CD36: variants seen among roughly 807,000 people sequenced by gnomAD.
CD36 encodes platelet glycoprotein 4.
In CD36, 119 loss-of-function variants were observed where a neutral mutation model predicts 55.2. The ratio of observed to expected loss-of-function variants is 2.15; its 90% CI spans 1.86 to 2.51. The LOEUF (loss-of-function observed/expected upper bound fraction) is 2.51, where lower values mean the gene tolerates loss of function less well. Ranked by LOEUF, CD36 falls within the 30% of genes most tolerant of loss-of-function variation. CD36 has a pLI of 0.00. For missense variants in CD36, 819 were observed against 555.5 expected (o/e 1.47, Z -4.77); for synonymous variants, 186 against 193.6 (o/e 0.96, Z 0.33).
chr7:80,625,541 G>A (rs1378661776), intron 1 of CD36, among the ~76,000 whole-genome samples: 1 of 152,098 alleles, frequency 6.6e-6, no homozygotes, highest in Non-Finnish European at 1.5e-5. Flanking sequence ...AACCTTGCTT[G>A]TATTTCAGAT....
At chr7:80,604,129 T>C (rs1332225675) in intron 1 of CD36, among the ~76,000 whole-genome samples, 2 of 151,980 alleles carry the variant, frequency 1.3e-5, no homozygotes, top group East Asian at 3.9e-4. Context: ...GAGGAGGTAC[T>C]AGAGGAGGGG....
At chr7:80,623,005 C>CTT (rs11301209) in intron 1 of CD36, among the ~76,000 whole-genome samples, 10 of 145,538 alleles carry the variant, frequency 6.9e-5, no homozygotes, top group African/African-American at 2.5e-4. Context: ...CCTTGGTAGA[C>CTT]TTTTTTTTTT....
At position 80,678,117 on chromosome 7, in the gene CD36, A is replaced by T. The variant is rs1161064855; in HGVS notation, c.*1734A>T. On this transcript the variant is annotated 3_prime_UTR_variant, in exon 15 of 15. Transcript: ENST00000447544. The stretch of plus-strand genomic sequence containing the variant: ...TGTGTGTGTGTGTGTGTGTGTGCAC[A>T]TATGCACTGTGGTGGGAGTGGGGCA... 1 of 151,208 alleles carries T rather than the reference A, an allele frequency of 6.6e-6. No individual in the cohort carries two copies. The highest frequency in any genetic ancestry group is 6.6e-5 in the Admixed American group (1 of 15,116). 9.4% of individuals were successfully genotyped at this position (151,208 alleles called of 1,614,324 possible). A position where few individuals can be genotyped will look rare whatever the true frequency, so the allele number is the denominator to read the frequency against.
At chr7:80,609,153 A>G (rs1792734534) in intron 1 of CD36, among the ~76,000 whole-genome samples, 1 of 152,158 alleles carries the variant, frequency 6.6e-6, no homozygotes, top group Admixed American at 6.5e-5. Context: ...CATACAATAT[A>G]AAGTTTGGTA....
upstream of CD36, among the ~76,000 whole-genome samples, chr7:80,633,946 G>A (rs1465865619): frequency 6.6e-6 from 1 of 151,642 alleles, no homozygotes; most frequent in Non-Finnish European, 1.5e-5. Flanking sequence ...ATTTTCTATT[G>A]TGTCTAGACA....
chr7:80,671,956 G>A lies in CD36; in HGVS notation c.1041G>A (p.Leu347=), dbSNP rs1463671275. 3.7e-6 allele frequency: 6 copies of A among 1,611,096 alleles called. No homozygotes were observed. Among genetic ancestry groups the A allele is most frequent in the Non-Finnish European group, 5.1e-6 (6 of 1,177,926 alleles). Residue 347 remains leucine, a synonymous_variant, in exon 11 of 15, where the codon CTG becomes CTA. Coordinates refer to ENST00000447544, the MANE Select transcript of CD36 (RefSeq NM_001001548.3). ...TGTACATTTCACTTCCTCATTTTCTGTATGCAAGTCCTGATGTTTCAGAAC... is the reference window on the plus strand; with the variant it reads ...TGTACATTTCACTTCCTCATTTTCTATATGCAAGTCCTGATGTTTCAGAAC... ...RPVYISLPHF[L]YASPDVSEPI...
chr7:80,625,049 A>T (rs920829702), intron 1 of CD36: 8 of 152,086 alleles, frequency 5.3e-5, no homozygotes, highest in Admixed American at 5.2e-4. Context: ...AGGTTAGATA[A>T]TTTAGTCATT....
intron 1 of CD36, among the ~76,000 whole-genome samples, chr7:80,619,653 G>GAA (rs34516458): frequency 0.037 from 4,631 of 125,902 alleles, 136 homozygotes; most frequent in Middle Eastern, 0.043. Flanking sequence ...TCTCAAAACA[G>GAA]AAAAAAAAAA....
intron 1 of CD36, among the ~76,000 whole-genome samples, chr7:80,628,480 T>A (rs1345747185): frequency 6.6e-6 from 1 of 152,098 alleles, no homozygotes; most frequent in Admixed American, 6.6e-5. Flanking sequence ...TATCTATATT[T>A]GTTACATAGA....
Position 80,606,150 on chromosome 7 carries a change from A to C in CD36, c.-184+3771A>C, listed in dbSNP as rs573404710. 8.5e-5 allele frequency among the ~76,000 whole-genome samples: 6 copies of C among 70,210 alleles called. No homozygotes were observed. In the East Asian group the frequency reaches 2.0e-3, roughly 23 times the overall value. 46.1% of individuals were successfully genotyped at this position (70,210 alleles called of 152,430 possible). Reference sequence around the variant, plus strand: ...CATCTTCTACTAAGGACTATGACTAAAATTTTAAGAATTTTGAATCACGTA... The same window carrying C: ...CATCTTCTACTAAGGACTATGACTACAATTTTAAGAATTTTGAATCACGTA... On this transcript the variant is annotated intron_variant, in intron 1 of 13. Coordinates refer to the CD36 transcript ENST00000309881.
intron 3 of CD36, among the ~76,000 whole-genome samples, chr7:80,650,736 T>C (rs1198670204): frequency 1.3e-5 from 2 of 152,156 alleles, no homozygotes; most frequent in East Asian, 3.9e-4. Context: ...CTGAAAGATG[T>C]CATTACCATT....
chr7:80,659,655 A>T (rs554901576), intron 4 of CD36, among the ~76,000 whole-genome samples: 3 of 140,634 alleles, frequency 2.1e-5, no homozygotes, highest in African/African-American at 7.4e-5. Context: ...TCTTCTAGTG[A>T]CTGCCATCTA....
At position 80,672,041 on chromosome 7, in the gene CD36, G is replaced by GAAC; in HGVS notation, c.1125+1_1125+2insAAC. The GAAC allele has an allele frequency of 6.2e-7, 1 of 1,601,576 alleles. No individual in the cohort carries two copies. The stretch of plus-strand genomic sequence containing the variant: ...TAGGACATACTTGGATATTGAACCT[G>GAAC]TAAGAAAACACCTTATTGATCTGAT... On this transcript the variant is annotated splice_donor_variant, in intron 11 of 14. Coordinates refer to ENST00000447544, the MANE Select transcript of CD36 (RefSeq NM_001001548.3). LOFTEE classifies it high-confidence loss of function.
rs201155452 is a variant in CD36 at position 80,669,971 on chromosome 7, C to G, written c.767C>G (p.Pro256Arg). Residue 256 changes from proline to arginine, a missense_variant, in exon 9 of 15, where the codon CCT (proline) becomes CGT (arginine). By Grantham distance (103) the Pro-to-Arg change is moderately radical. Transcript: ENST00000447544. ...INGTDAASFP[P>R]FVEKSQVLQF... ...TAAACAGATGCAGCCTCATTTCCACCTTTTGTTGAGAAAAGCCAGGTATTG... is the reference window on the plus strand; with the variant it reads ...TAAACAGATGCAGCCTCATTTCCACGTTTTGTTGAGAAAAGCCAGGTATTG... The G allele has an allele frequency of 3.7e-6, 6 of 1,612,282 alleles. No individual in the cohort carries two copies. The highest frequency in any genetic ancestry group is 1.6e-4 in the Middle Eastern group (1 of 6,082).
chr7:80,652,600 A>G (rs1795715213), intron 3 of CD36, among the ~76,000 whole-genome samples: 1 of 152,206 alleles, frequency 6.6e-6, no homozygotes, highest in Non-Finnish European at 1.5e-5. Context: ...AGCTAGTGGG[A>G]AGGATGGAAG....
rs779417116 is a variant in CD36, at chr7:80,656,554, A to G, written c.135A>G (p.Glu45=). ...CTTTTTCATAGCAAGTTGTCCTCGA[A>G]GAAGGTACAATTGCTTTTAAAAATT... is the stretch of plus-strand genomic sequence containing the variant. ...QKTIKKQVVL[E]EGTIAFKNWV... The change falls in exon 4 of 15, where the codon GAA becomes GAG. Residue 45 remains glutamate, a synonymous_variant. Transcript: ENST00000447544. The G allele has an allele frequency of 2.5e-6, 4 of 1,613,624 alleles. No homozygotes were observed. Among genetic ancestry groups the G allele is most frequent in the Admixed American group, 1.7e-5 (1 of 59,972 alleles).
intron 1 of CD36, chr7:80,624,910 C>T (rs1793659326): frequency 1.3e-5 from 2 of 152,008 alleles, no homozygotes; most frequent in Non-Finnish European, 2.9e-5. Context: ...ATCTATCCTC[C>T]CCTGCTTTTG....
intron 3 of CD36, among the ~76,000 whole-genome samples, chr7:80,650,494 C>G (rs1178876083): frequency 6.6e-6 from 1 of 152,054 alleles, no homozygotes; most frequent in Admixed American, 6.6e-5. Context: ...CTCAGAAATA[C>G]TTAGAGTAAT....
intron 1 of CD36, among the ~76,000 whole-genome samples, chr7:80,605,916 A>G (rs933695725): frequency 6.6e-6 from 1 of 152,130 alleles, no homozygotes; most frequent in Non-Finnish European, 1.5e-5. Context: ...GGATAAGAGC[A>G]TTCCTTACAG....
Sources: gnomAD v4.1 joint callset for allele counts (sites outside exome capture counted in the v4.1 genomes callset) on GRCh38, gnomAD v4.1.1 for gene constraint, MANE v1.5 for transcripts, NCBI Gene and HGNC (gene_info 2026-07-23, HGNC 2026-07-21) for gene names.